The following PDE4D variants were observed in gnomAD, a reference collection of about 807,000 sequenced individuals.
The protein encoded by PDE4D is 3',5'-cyclic-AMP phosphodiesterase 4D.
Under a neutral mutation model 87.4 loss-of-function variants are expected in PDE4D, and 24 were observed. The observed-to-expected ratio is 0.27, with a 90% CI of 0.20 to 0.39. The LOEUF is 0.39. PDE4D is among the 10% of genes least tolerant of loss of function. The pLI is 1.00. For missense variants in PDE4D, 714 were observed against 1,041.0 expected (o/e 0.69, Z 4.32); for synonymous variants, 384 against 383.2 (o/e 1.00, Z -0.02).
At chr5:59,275,903 C>T in intron 1 of PDE4D, 8 of 985,332 alleles carry the variant, frequency 8.1e-6, no homozygotes, top group Non-Finnish European at 9.6e-6. Flanking sequence ...AAACACTCCT[C>T]TCCGTGGAGC....
intron 1 of PDE4D, among the ~76,000 whole-genome samples, chr5:60,473,232 GAAGGAAGGAAGGA>G (rs201178997): frequency 0.018 from 2,686 of 150,262 alleles, 72 homozygotes; most frequent in African/African-American, 0.063. Context: ...AAGAAGGAAA[GAAGGAAGGAAGGA>G]AAGGAAGGAA....
chr5:59,681,727 C>T (rs367981225), intron 1 of PDE4D, among the ~76,000 whole-genome samples: 5 of 151,846 alleles, frequency 3.3e-5, no homozygotes, highest in South Asian at 2.1e-4. Flanking sequence ...GGTGAAACCC[C>T]GTCTCTACTA....
chr5:59,912,048 A>T (rs1056829937), intron 3 of PDE4D, among the ~76,000 whole-genome samples: 4 of 152,196 alleles, frequency 2.6e-5, no homozygotes, highest in African/African-American at 2.4e-5. Context: ...GAGGCTTTAA[A>T]CTAATAGAAA....
chr5:59,330,106 C>T lies in PDE4D; in HGVS notation c.456-114138G>A, dbSNP rs140257662. Among the ~76,000 whole-genome samples, 476 of 152,208 alleles carry T rather than the reference C, an allele frequency of 3.1e-3. 2 individuals are homozygous for T. Among genetic ancestry groups the T allele is most frequent in the African/African-American group, 0.011 (458 of 41,526 alleles). On this transcript the variant is annotated intron_variant, in intron 1 of 14. Transcript: ENST00000340635. ...AGTCCTATCTTTAATATGTTCATCA[C>T]GTTAATTAATGAATGATATAAACAA...
At chr5:59,052,552 AGTG>A (rs1761707091) in intron 5 of PDE4D, among the ~76,000 whole-genome samples, 1 of 152,194 alleles carries the variant, frequency 6.6e-6, no homozygotes, top group Non-Finnish European at 1.5e-5. Flanking sequence ...GTCCAGATGC[AGTG>A]GAAAGCAAAG....
At chr5:59,246,759 G>A (rs1758922061) in intron 1 of PDE4D, among the ~76,000 whole-genome samples, 2 of 152,112 alleles carry the variant, frequency 1.3e-5, no homozygotes, top group Non-Finnish European at 2.9e-5. Flanking sequence ...AAGTAAATAT[G>A]CAATCCAACT....
chr5:59,454,709 C>T (rs1383546926), intron 1 of PDE4D, among the ~76,000 whole-genome samples: 1 of 152,090 alleles, frequency 6.6e-6, no homozygotes, highest in South Asian at 2.1e-4. Flanking sequence ...TAGAAGAAGA[C>T]AGGAAAATGT....
intron 1 of PDE4D, among the ~76,000 whole-genome samples, chr5:59,474,888 C>T (rs16889883): frequency 0.19 from 29,406 of 151,982 alleles, 3,019 homozygotes; most frequent in Admixed American, 0.22. Flanking sequence ...GACTTAATTA[C>T]TATCTACAAC....
intron 11 of PDE4D, among the ~76,000 whole-genome samples, chr5:58,977,711 C>A (rs1211687453): frequency 1.3e-5 from 2 of 152,010 alleles, no homozygotes; most frequent in Non-Finnish European, 2.9e-5. Context: ...GTTTTGTATT[C>A]CTGATAACTG....
At chr5:60,159,239 C>G (rs1782264432) in intron 2 of PDE4D, among the ~76,000 whole-genome samples, 1 of 152,164 alleles carries the variant, frequency 6.6e-6, no homozygotes, top group South Asian at 2.1e-4. Flanking sequence ...GAGCTGTCAT[C>G]TTCTATGATA....
intron 2 of PDE4D, among the ~76,000 whole-genome samples, chr5:60,098,368 T>C (rs1224074902): frequency 6.6e-6 from 1 of 151,982 alleles, no homozygotes; most frequent in Admixed American, 6.6e-5. Flanking sequence ...GTATATTACA[T>C]GGACAGTAAA....
At chr5:59,096,729 G>T (rs1769791249) in intron 5 of PDE4D, among the ~76,000 whole-genome samples, 1 of 152,060 alleles carries the variant, frequency 6.6e-6, no homozygotes, top group South Asian at 2.1e-4. Flanking sequence ...ACAAACAAAA[G>T]AATAAAAATG....
chr5:60,019,764 C>T (rs1240036092), intron 2 of PDE4D, among the ~76,000 whole-genome samples: 1 of 152,152 alleles, frequency 6.6e-6, no homozygotes, highest in South Asian at 2.1e-4. Context: ...GTCCAGACCA[C>T]TAAAACTTTC....
At chr5:58,988,017 ATAT>A (rs1746904284) in intron 11 of PDE4D, among the ~76,000 whole-genome samples, 1 of 152,216 alleles carries the variant, frequency 6.6e-6, no homozygotes, top group African/African-American at 2.4e-5. Flanking sequence ...GGTTGAAAAA[ATAT>A]TAAGAAGTTC....
chr5:59,989,115 T>TATATAC (rs1457167328), intron 2 of PDE4D, among the ~76,000 whole-genome samples: 71 of 73,978 alleles, frequency 9.6e-4, no homozygotes, highest in African/African-American at 2.2e-3. Context: ...TATATATATA[T>TATATAC]ACACACACAC....
chr5:59,676,820 A>G (rs1428512642), intron 1 of PDE4D, among the ~76,000 whole-genome samples: 1 of 152,122 alleles, frequency 6.6e-6, no homozygotes, highest in Non-Finnish European at 1.5e-5. Flanking sequence ...TATATAATAT[A>G]TCGTTGTTAA....
chr5:59,537,472 T>C (rs37573), intron 1 of PDE4D, among the ~76,000 whole-genome samples: 144,978 of 152,280 alleles, frequency 0.95, 69,339 homozygotes, highest in Non-Finnish European at 1. Context: ...TAGGATTTGG[T>C]CATTCTTAAT....
At chr5:59,621,884 A>T (rs2150113144) in intron 1 of PDE4D, among the ~76,000 whole-genome samples, 1 of 152,354 alleles carries the variant, frequency 6.6e-6, no homozygotes, top group East Asian at 1.9e-4. Context: ...AACTATGTGA[A>T]ATCTGAGAAA....
chr5:60,246,165 A>G (rs1246169304), intron 1 of PDE4D, among the ~76,000 whole-genome samples: 1 of 151,814 alleles, frequency 6.6e-6, no homozygotes, highest in East Asian at 1.9e-4. Context: ...CTTTCTAACT[A>G]TAACTTTCAT....
Sources: allele counts gnomAD v4.1 joint callset (sites outside exome capture counted in the v4.1 genomes callset), GRCh38; gene constraint gnomAD v4.1.1; transcripts MANE v1.5; gene names NCBI Gene and HGNC (gene_info 2026-07-23, HGNC 2026-07-21).